The following CDH1 variants were observed in gnomAD, a reference collection of about 807,000 sequenced individuals.
CDH1 encodes the protein cadherin 1.
CDH1 carries 35 observed loss-of-function variants against 84.5 expected under a neutral mutation model. The ratio of observed to expected loss-of-function variants is 0.41; its 90% CI spans 0.32 to 0.55. CDH1 has a LOEUF of 0.55. Ranked by LOEUF, CDH1 falls within the 20% of genes least tolerant of loss-of-function variation. The probability of loss-of-function intolerance (pLI) is 0.19; values close to 1 mark genes in which losing one functional copy is unlikely to be tolerated. For missense variants in CDH1, 994 were observed against 1,126.6 expected (o/e 0.88, Z 1.68); for synonymous variants, 417 against 439.0 (o/e 0.95, Z 0.63).
intron 11 of CDH1, among the ~76,000 whole-genome samples, chr16:68,820,884 A>G (rs1219838854): frequency 6.6e-6 from 1 of 151,992 alleles, no homozygotes; most frequent in Non-Finnish European, 1.5e-5. Context: ...TGGGCAACAT[A>G]CTGCCCATAA....
At chr16:68,828,505 A>G (rs1409781044) in intron 14 of CDH1, among the ~76,000 whole-genome samples, 1 of 152,226 alleles carries the variant, frequency 6.6e-6, no homozygotes, top group Non-Finnish European at 1.5e-5. Flanking sequence ...TATTGATCGC[A>G]TACTGTTCTG....
intron 2 of CDH1, among the ~76,000 whole-genome samples, chr16:68,771,883 T>C (rs1567487949): frequency 6.6e-6 from 1 of 152,132 alleles, no homozygotes; most frequent in Admixed American, 6.5e-5. Context: ...GCCTAGCCCA[T>C]TGAGCTTTTA....
chr16:68,818,239 C>CAA (rs576537213), intron 10 of CDH1, among the ~76,000 whole-genome samples: 15,206 of 83,414 alleles, frequency 0.18, 1,657 homozygotes, highest in African/African-American at 0.31. Flanking sequence ...GACTCTGTCC[C>CAA]AAAAAAAAAA....
chr16:68,824,971 A>G (rs74025315), intron 13 of CDH1, among the ~76,000 whole-genome samples: 9 of 152,198 alleles, frequency 5.9e-5, no homozygotes, highest in African/African-American at 2.2e-4. Context: ...AGTCAATTAG[A>G]AACCTTTGAC....
chr16:68,819,572 C>T, intron 11 of CDH1, 147 bp downstream of exon 11: 2 of 928,362 alleles, frequency 2.2e-6, no homozygotes, highest in Non-Finnish European at 3.4e-6. Context: ...GTATGGAGTA[C>T]AAGGGTAATT....
rs748891718 is a variant in CDH1, at chr16:68,747,849, C to T, written c.163+9438C>T. ...CGCAATCTCAGCTTGCTGCAGTCTC[C>T]GCCTCCCTGGTTCAAGTGATTCTCA... On this transcript the variant is annotated intron_variant, in intron 2 of 15. Coordinates refer to ENST00000261769, the MANE Select transcript of CDH1 (RefSeq NM_004360.5). 5.9e-5 allele frequency among the ~76,000 whole-genome samples: 9 copies of T among 152,078 alleles called. No homozygotes were observed. In the South Asian group the frequency reaches 1.0e-3, roughly 18 times the overall value.
intron 2 of CDH1, among the ~76,000 whole-genome samples, chr16:68,793,337 A>G (rs918852641): frequency 1.3e-5 from 2 of 152,152 alleles, no homozygotes; most frequent in African/African-American, 4.8e-5. Flanking sequence ...CCAAGGCTCA[A>G]TTTTCATCCA....
At chr16:68,799,524 C>T (rs567674577) in intron 2 of CDH1, among the ~76,000 whole-genome samples, 7 of 152,164 alleles carry the variant, frequency 4.6e-5, no homozygotes, top group African/African-American at 1.4e-4. Context: ...GCTGGAGAAC[C>T]TTTCAATCTT....
intron 2 of CDH1, among the ~76,000 whole-genome samples, chr16:68,747,247 G>A (rs781162809): frequency 4.6e-5 from 7 of 152,122 alleles, no homozygotes; most frequent in Non-Finnish European, 7.3e-5. Flanking sequence ...AGGAAGTGGG[G>A]TACCCAAAGG....
chr16:68,827,956 C>A (rs546782056), intron 13 of CDH1, among the ~76,000 whole-genome samples: 1 of 152,308 alleles, frequency 6.6e-6, no homozygotes, highest in East Asian at 1.9e-4. Flanking sequence ...AAGGACCATG[C>A]TTGAGTTCAC....
intron 3 of CDH1, among the ~76,000 whole-genome samples, chr16:68,804,966 G>A (rs945612035): frequency 2.0e-5 from 3 of 148,354 alleles, no homozygotes; most frequent in East Asian, 3.9e-4. Flanking sequence ...ATGTAGCTGG[G>A]ACCACAGGGT....
intron 2 of CDH1, among the ~76,000 whole-genome samples, chr16:68,795,344 T>A (rs897505537): frequency 2.0e-5 from 3 of 152,194 alleles, no homozygotes; most frequent in Non-Finnish European, 4.4e-5. Context: ...TCTTTTTTTT[T>A]ATTTTTATTT....
At chr16:68,775,136 A>G (rs995997052) in intron 2 of CDH1, among the ~76,000 whole-genome samples, 2 of 151,920 alleles carry the variant, frequency 1.3e-5, no homozygotes, top group African/African-American at 2.4e-5. Flanking sequence ...AAAAAAAAAA[A>G]AAAAAGAAAA....
chr16:68,745,605 A>ATG (rs1376535796), intron 2 of CDH1, among the ~76,000 whole-genome samples: 17 of 132,532 alleles, frequency 1.3e-4, no homozygotes, highest in Non-Finnish European at 1.7e-4. Flanking sequence ...ATATATATGT[A>ATG]TGTGTATATA....
At chr16:68,815,047 G>A (rs1421446288) in intron 9 of CDH1, among the ~76,000 whole-genome samples, 1 of 152,078 alleles carries the variant, frequency 6.6e-6, no homozygotes, top group Non-Finnish European at 1.5e-5. Context: ...CCAACATGGT[G>A]AAACGTCGTC....
rs541320811 is a variant in CDH1 at position 68,820,199 on chromosome 16, C to CA, written c.1711+784dup. Among the ~76,000 whole-genome samples, 559 of 147,066 alleles carry CA rather than the reference C, an allele frequency of 3.8e-3. 1 individual carries two copies. The highest frequency in any genetic ancestry group is 5.1e-3 in the Non-Finnish European group (337 of 66,400). On this transcript the variant is annotated intron_variant, in intron 11 of 15. Transcript: ENST00000261769. ...GGGCAACAGAGCAAGACTCTGTCTC[C>CA]AAAAAAAAAATTGTTTTTTCAAGTA...
intron 2 of CDH1, among the ~76,000 whole-genome samples, chr16:68,746,965 A>C (rs1266554395): frequency 6.6e-6 from 1 of 152,072 alleles, no homozygotes; most frequent in Non-Finnish European, 1.5e-5. Context: ...CAAACAAACA[A>C]ACACACCAAA....
At chr16:68,787,533 G>A (rs1041523985) in intron 2 of CDH1, among the ~76,000 whole-genome samples, 3 of 150,898 alleles carry the variant, frequency 2.0e-5, no homozygotes, top group African/African-American at 7.3e-5. Context: ...AAATAGAGAT[G>A]GGATCCTACT....
intron 2 of CDH1, among the ~76,000 whole-genome samples, chr16:68,767,199 T>G (rs2152120153): frequency 6.6e-6 from 1 of 152,030 alleles, no homozygotes; most frequent in Non-Finnish European, 1.5e-5. Context: ...GTTTCTTTTT[T>G]TTTTTCTTTT....
Sources: gnomAD v4.1 joint callset for allele counts (sites outside exome capture counted in the v4.1 genomes callset) on GRCh38, gnomAD v4.1.1 for gene constraint, MANE v1.5 for transcripts, NCBI Gene and HGNC (gene_info 2026-07-23, HGNC 2026-07-21) for gene names.